The following PAPPA variants were observed in gnomAD, a reference collection of about 807,000 sequenced individuals.
The protein encoded by PAPPA is pappalysin 1.
Under a neutral mutation model 164.0 loss-of-function variants are expected in PAPPA, and 60 were observed. The ratio of observed to expected loss-of-function variants is 0.37; its 90% CI spans 0.30 to 0.45. The LOEUF (loss-of-function observed/expected upper bound fraction) is 0.45. PAPPA is among the 20% of genes least tolerant of loss of function. PAPPA has a pLI of 1.00. For missense variants in PAPPA, 1,782 were observed against 2,087.3 expected (o/e 0.85, Z 2.85); for synonymous variants, 875 against 814.1 (o/e 1.07, Z -1.27).
chr9:116,374,219 TG>T (rs1846619963), intron 19 of PAPPA, among the ~76,000 whole-genome samples: 1 of 12,508 alleles, frequency 8.0e-5, no homozygotes. Context: ...ATGGTGCTGA[TG>T]ATGATGACAG....
intron 10 of PAPPA, among the ~76,000 whole-genome samples, chr9:116,308,072 A>T (rs1365357697): frequency 6.6e-6 from 1 of 152,246 alleles, no homozygotes; most frequent in African/African-American, 2.4e-5. Context: ...AAGCTCAGTC[A>T]ACATTTTGTT....
rs373044227 is a variant in PAPPA, at chr9:116,290,873, T to C, written c.2954-11884T>C. 5.9e-5 allele frequency among the ~76,000 whole-genome samples: 9 copies of C among 152,282 alleles called. No individual in the cohort carries two copies. In the East Asian group the frequency reaches 1.7e-3, roughly 29 times the overall value. On this transcript the variant is annotated intron_variant, in intron 9 of 21. Coordinates refer to ENST00000328252, the MANE Select transcript of PAPPA (RefSeq NM_002581.5). ...CTTATATTATCCAGGCCAAATTTCA[T>C]TTCATTATTTCCTGCCCATACTTTT... is the stretch of plus-strand genomic sequence containing the variant.
chr9:116,242,880 G>A (rs1844752382), intron 7 of PAPPA, among the ~76,000 whole-genome samples: 1 of 152,106 alleles, frequency 6.6e-6, no homozygotes, highest in Non-Finnish European at 1.5e-5. Context: ...CCACTTTGAT[G>A]GGAAAAATAT....
At chr9:116,180,245 C>T (rs1045834289) in intron 1 of PAPPA, among the ~76,000 whole-genome samples, 4 of 151,994 alleles carry the variant, frequency 2.6e-5, no homozygotes, top group African/African-American at 9.7e-5. Flanking sequence ...ACCCAGGGAC[C>T]ACAGCACAGC....
intron 9 of PAPPA, among the ~76,000 whole-genome samples, chr9:116,301,706 G>C (rs2118888939): frequency 6.6e-6 from 1 of 152,258 alleles, no homozygotes; most frequent in Admixed American, 6.5e-5. Context: ...CACTTGCTGT[G>C]GTCTAGATGA....
chr9:116,332,133 T>C (rs1483129212), intron 11 of PAPPA, among the ~76,000 whole-genome samples, 200 bp from the exon 12 acceptor site: 3 of 152,224 alleles, frequency 2.0e-5, no homozygotes, highest in African/African-American at 4.8e-5. Context: ...CAGAGAAAGA[T>C]TGAAATTGGG....
intron 1 of PAPPA, among the ~76,000 whole-genome samples, chr9:116,167,456 T>TA (rs1031427348): frequency 6.6e-6 from 1 of 152,208 alleles, no homozygotes; most frequent in African/African-American, 2.4e-5. Flanking sequence ...AGGCTACAGA[T>TA]AAGGAGGACC....
chr9:116,341,115 A>G (rs1357973136), intron 13 of PAPPA, among the ~76,000 whole-genome samples: 4 of 151,772 alleles, frequency 2.6e-5, no homozygotes, highest in Non-Finnish European at 4.4e-5. Context: ...ATCTTGTCTC[A>G]CTGCAACCTC....
intron 1 of PAPPA, among the ~76,000 whole-genome samples, chr9:116,177,684 G>A (rs1843853481): frequency 6.6e-6 from 1 of 152,168 alleles, no homozygotes; most frequent in Non-Finnish European, 1.5e-5. Context: ...TGATGAGTGA[G>A]TGGAGAGAGG....
At chr9:116,197,505 T>G (rs1233288325) in intron 2 of PAPPA, among the ~76,000 whole-genome samples, 4 of 152,254 alleles carry the variant, frequency 2.6e-5, no homozygotes, top group African/African-American at 9.6e-5. Context: ...GTCTGCTATT[T>G]TATTTTCCCT....
chr9:116,303,945 C>T (rs1435270911), intron 10 of PAPPA, among the ~76,000 whole-genome samples: 1 of 152,184 alleles, frequency 6.6e-6, no homozygotes, highest in African/African-American at 2.4e-5. Flanking sequence ...TCACTAAAGC[C>T]TTTATTCATT....
rs529547043 is a variant in PAPPA, at chr9:116,272,120, C to T, written c.2953+704C>T. Among the ~76,000 whole-genome samples, 8 of 152,310 alleles carry T rather than the reference C, an allele frequency of 5.3e-5. 1 individual carries two copies. The highest frequency in any genetic ancestry group is 5.2e-4 in the Admixed American group (8 of 15,304). ...GGCTGATCTTGTTGTTTCAGCCCCA[C>T]TTGGGAGGCCCTGGTCAGCCCCGGG... On this transcript the variant is annotated intron_variant, in intron 9 of 21. Coordinates refer to ENST00000328252, the MANE Select transcript of PAPPA (RefSeq NM_002581.5).
At chr9:116,230,959 A>AT in intron 6 of PAPPA, among the ~76,000 whole-genome samples, 1 of 151,902 alleles carries the variant, frequency 6.6e-6, no homozygotes, top group Non-Finnish European at 1.5e-5. Flanking sequence ...ATTTTTTCTC[A>AT]TTTGTGTGTT....
chr9:116,248,711 C>A (rs1844825749), intron 7 of PAPPA, among the ~76,000 whole-genome samples: 1 of 152,166 alleles, frequency 6.6e-6, no homozygotes, highest in Non-Finnish European at 1.5e-5. Flanking sequence ...GTAATATCTG[C>A]CATGTTATTC....
rs374895 is a variant in PAPPA at position 116,219,215 on chromosome 9, G to A, written c.1919-722G>A. Among the ~76,000 whole-genome samples, 26 of 152,108 alleles carry A rather than the reference G, an allele frequency of 1.7e-4. No individual in the cohort carries two copies. The South Asian group carries it at 5.2e-3, about 30-fold the overall frequency. ...TGCACCCACCCATGCCGTCTTCCTC[G>A]CTTTATCAGTGATTGACATCACAGA... On this transcript the variant is annotated intron_variant, in intron 4 of 21. Transcript: ENST00000328252.
intron 4 of PAPPA, among the ~76,000 whole-genome samples, chr9:116,217,446 C>T (rs887750585): frequency 6.6e-6 from 1 of 152,152 alleles, no homozygotes; most frequent in Non-Finnish European, 1.5e-5. Flanking sequence ...AACAGATGTG[C>T]TATTTCTAAT....
chr9:116,160,959 C>T lies in PAPPA; in HGVS notation c.415+6372C>T, dbSNP rs978837749. Among the ~76,000 whole-genome samples, 4 of 152,170 alleles carry T rather than the reference C, an allele frequency of 2.6e-5. No homozygotes were observed. In the South Asian group the frequency reaches 6.2e-4, roughly 24 times the overall value. ...GTCTCTGACTTAACCACTGGGGCCT[C>T]AGGGGAGAGGGTTTGGGGGATGGTT... On this transcript the variant is annotated intron_variant, in intron 1 of 21. Transcript: ENST00000328252.
rs1338179831 is a variant in PAPPA, at chr9:116,398,412, C to T, written c.*1796C>T. On this transcript the variant is annotated 3_prime_UTR_variant, in exon 22 of 22. Coordinates refer to ENST00000328252, the MANE Select transcript of PAPPA (RefSeq NM_002581.5). Reference sequence around the variant, plus strand: ...AACCTAGCATAGGGATAGAAAATACCATGCACGTGTGCAGCCCCACCTAAT... The same window carrying T: ...AACCTAGCATAGGGATAGAAAATACTATGCACGTGTGCAGCCCCACCTAAT... 1 of 369,296 alleles carries T rather than the reference C, an allele frequency of 2.7e-6. No homozygotes were observed. Among genetic ancestry groups the T allele is most frequent in the Non-Finnish European group, 5.0e-6 (1 of 199,696 alleles). 22.9% of individuals were successfully genotyped at this position (369,296 alleles called of 1,614,324 possible).
chr9:116,267,640 G>A (rs560552250), intron 8 of PAPPA, among the ~76,000 whole-genome samples: 1 of 152,020 alleles, frequency 6.6e-6, no homozygotes, highest in Non-Finnish European at 1.5e-5. Context: ...TTGGGAGGCC[G>A]AGGCGGGTGG....
Sources: gnomAD v4.1 joint callset for allele counts (sites outside exome capture counted in the v4.1 genomes callset) on GRCh38, gnomAD v4.1.1 for gene constraint, MANE v1.5 for transcripts, NCBI Gene and HGNC (gene_info 2026-07-23, HGNC 2026-07-21) for gene names.